Variants in IL1R2 observed in about 807,000 individuals in gnomAD.
IL1R2 encodes interleukin-1 receptor type 2.
IL1R2 carries 46 observed loss-of-function variants against 39.5 expected under a neutral mutation model. That is an observed-to-expected ratio of 1.16 (90% CI 0.92 to 1.49). The LOEUF is 1.49. Among genes scored for constraint, IL1R2 ranks in the 40% most tolerant of loss-of-function variants. IL1R2 has a pLI of 0.00. For synonymous variants in IL1R2, 207 were observed against 189.6 expected (o/e 1.09, Z -0.75); for missense variants, 537 against 502.0 (o/e 1.07, Z -0.67).
chr2:101,998,796 C>G (rs901518144), intron 1 of IL1R2, among the ~76,000 whole-genome samples: 2 of 152,194 alleles, frequency 1.3e-5, no homozygotes, highest in African/African-American at 4.8e-5. Context: ...TCCAAGGAAG[C>G]CAGGCAGAAG....
intron 4 of IL1R2, 42 bp from the exon 5 acceptor site, chr2:102,019,596 A>G: frequency 1.5e-6 from 2 of 1,336,440 alleles, no homozygotes; most frequent in Non-Finnish European, 2.1e-6. Context: ...TTTGAGATGT[A>G]TATTGGTATA....
chr2:102,018,792 C>G (rs1435713216), intron 4 of IL1R2, among the ~76,000 whole-genome samples: 1 of 152,136 alleles, frequency 6.6e-6, no homozygotes, highest in African/African-American at 2.4e-5. Flanking sequence ...GACTGTGGTG[C>G]TGGGCTCTAT....
At chr2:102,007,975 T>C (rs1210791751) in intron 1 of IL1R2, among the ~76,000 whole-genome samples, 2 of 152,186 alleles carry the variant, frequency 1.3e-5, no homozygotes, top group African/African-American at 4.8e-5. Context: ...GCAGAGTGAA[T>C]TGGGGGTCCC....
At chr2:101,999,609 G>A (rs1376343342) in intron 1 of IL1R2, among the ~76,000 whole-genome samples, 1 of 152,206 alleles carries the variant, frequency 6.6e-6, no homozygotes, top group Non-Finnish European at 1.5e-5. Flanking sequence ...ACCTGCAAGA[G>A]ACCTGGGAGG....
chr2:101,997,481 C>G (rs2150418312), intron 1 of IL1R2, among the ~76,000 whole-genome samples: 1 of 152,268 alleles, frequency 6.6e-6, no homozygotes, highest in East Asian at 1.9e-4. Flanking sequence ...AGCTCAGGGC[C>G]TTGGGGAAGT....
At chr2:101,994,415 G>A (rs1426932712) in intron 1 of IL1R2, among the ~76,000 whole-genome samples, 2 of 152,120 alleles carry the variant, frequency 1.3e-5, no homozygotes, top group East Asian at 1.9e-4. Context: ...TTTTCATTAC[G>A]GCTTTCCATA....
chr2:102,009,108 G>A (rs1676457985), intron 2 of IL1R2, among the ~76,000 whole-genome samples: 1 of 152,090 alleles, frequency 6.6e-6, no homozygotes, highest in African/African-American at 2.4e-5. Flanking sequence ...TTGTCAAAGA[G>A]CAAACTGAAG....
intron 1 of IL1R2, among the ~76,000 whole-genome samples, chr2:102,007,308 C>T (rs1450887549): frequency 1.3e-5 from 2 of 152,132 alleles, no homozygotes; most frequent in East Asian, 1.9e-4. Context: ...TTGCTTTTCT[C>T]CCTGGGATGC....
chr2:102,019,535 C>A (rs1295583090), intron 4 of IL1R2, 103 bp from the exon 5 acceptor site: 2 of 842,190 alleles, frequency 2.4e-6, no homozygotes, highest in Non-Finnish European at 3.7e-6. Flanking sequence ...CAGGACAATT[C>A]TTGGATTGCA....
intron 1 of IL1R2, among the ~76,000 whole-genome samples, chr2:101,992,316 C>CAGAGACAGAGAGAGGCAG (rs1675376705): frequency 3.1e-5 from 4 of 128,686 alleles, no homozygotes; most frequent in African/African-American, 1.2e-4. Context: ...CAGAGAAAGA[C>CAGAGACAGAGAGAGGCAG]AGAGACAGAG....
Position 102,009,547 on chromosome 2 carries a change from C to A in IL1R2, c.68-15C>A. ...TTTGGACCCAAAGCCTGACCATGGG[C>A]TCTCTGTCCTTCAGGGGCTGCCAGA... On this transcript the variant is annotated splice_polypyrimidine_tract_variant and intron_variant, in intron 2 of 8. Transcript: ENST00000332549. The A allele has an allele frequency of 6.2e-7, 1 of 1,611,812 alleles. No individual in the cohort carries two copies.
Position 102,016,019 on chromosome 2 carries a change from G to A in IL1R2, c.481G>A (p.Asp161Asn). ...CCCTGACCTGAGTGAATTCACCCGT[G>A]ACAAAACTGACGTGAAGATTCAATG... ...VCPDLSEFTR[D>N]KTDVKIQWYK... Residue 161 changes from aspartate (D) to asparagine (N), a missense_variant, in exon 4 of 9, where the codon GAC becomes AAC. Physicochemically the swap from Asp to Asn is conservative, Grantham distance 23. Transcript: ENST00000332549. The A allele has an allele frequency of 6.2e-7, 1 of 1,613,704 alleles. No homozygotes were observed. The highest frequency in any genetic ancestry group is 8.5e-7 in the Non-Finnish European group (1 of 1,179,854).
chr2:102,008,597 G>A lies in IL1R2; in HGVS notation c.22G>A (p.Val8Ile), dbSNP rs1676411822. Residue 8 changes from valine to isoleucine, a missense_variant, in exon 2 of 9, where the codon GTA becomes ATA. Transcript: ENST00000332549. MLRLYVL[V>I]MGVSAFTLQP... ...AGCAATGTTGCGCTTGTACGTGTTG[G>A]TAATGGGAGTTTCTGCCTTCACCCT... 1 of 1,614,116 alleles carries A rather than the reference G, an allele frequency of 6.2e-7. No homozygotes were observed. Among genetic ancestry groups the A allele is most frequent in the Middle Eastern group, 1.7e-4 (1 of 6,060 alleles).
chr2:102,026,146 T>G lies in IL1R2; in HGVS notation c.923T>G (p.Val308Gly), dbSNP rs1289586287. Residue 308 changes from valine to glycine, a missense_variant, in exon 8 of 9, where the codon GTG becomes GGG. Coordinates refer to ENST00000332549, the MANE Select transcript of IL1R2 (RefSeq NM_004633.4). Reference sequence around the variant, plus strand: ...GAAAATAATGAGAACTACATTGAAGTGCCATTGATTTTTGATCCTGTCACA... The same window carrying G: ...GAAAATAATGAGAACTACATTGAAGGGCCATTGATTTTTGATCCTGTCACA... ...YSENNENYIE[V>G]PLIFDPVTRE... 13 of 1,609,358 alleles carry G rather than the reference T, an allele frequency of 8.1e-6. No individual in the cohort carries two copies. Among genetic ancestry groups the G allele is most frequent in the Non-Finnish European group, 1.1e-5 (13 of 1,176,166 alleles).
chr2:102,021,212 T>A (rs1677367349), intron 5 of IL1R2, among the ~76,000 whole-genome samples: 1 of 152,058 alleles, frequency 6.6e-6, no homozygotes, highest in Non-Finnish European at 1.5e-5. Context: ...GTGAGGATGA[T>A]GAGGCCCGTC....
At position 102,022,218 on chromosome 2, in the gene IL1R2, T is replaced by A. The variant is rs1677444948; in HGVS notation, c.720T>A (p.Ile240=). ...KKKEETIPVI[I]SPLKTISASL... ...AAGAAGAGACCATTCCTGTGATCAT[T>A]TCCCCCCTCAAGACCATATCAGCTT... Residue 240 remains isoleucine, a synonymous_variant, in exon 6 of 9, where the codon ATT becomes ATA. Transcript: ENST00000332549. The A allele has an allele frequency of 1.9e-6, 3 of 1,613,748 alleles. No individual in the cohort carries two copies. The highest frequency in any genetic ancestry group is 2.2e-5 in the South Asian group (2 of 91,082).
At chr2:102,022,937 T>G (rs936022508) in intron 6 of IL1R2, among the ~76,000 whole-genome samples, 1 of 152,192 alleles carries the variant, frequency 6.6e-6, no homozygotes, top group African/African-American at 2.4e-5. Context: ...ACATAGACCC[T>G]GTAGGTTTTA....
At chr2:102,018,634 T>C (rs1677158182) in intron 4 of IL1R2, among the ~76,000 whole-genome samples, 1 of 152,170 alleles carries the variant, frequency 6.6e-6, no homozygotes, top group Admixed American at 6.5e-5. Context: ...CTAAACTCCC[T>C]GACATGCAAC....
intron 6 of IL1R2, among the ~76,000 whole-genome samples, 191 bp downstream of exon 6, chr2:102,022,440 G>A (rs1677464328): frequency 1.3e-5 from 2 of 152,206 alleles, no homozygotes; most frequent in South Asian, 2.1e-4. Context: ...CCTTTGGCCA[G>A]TTTGGTTAGA....
Sources: gnomAD v4.1 joint callset for allele counts (sites outside exome capture counted in the v4.1 genomes callset) on GRCh38, gnomAD v4.1.1 for gene constraint, MANE v1.5 for transcripts, NCBI Gene and HGNC (gene_info 2026-07-23, HGNC 2026-07-21) for gene names.